The following POU2F2 variants were observed in gnomAD, a reference collection of about 807,000 sequenced individuals.
POU2F2 encodes POU domain, class 2, transcription factor 2.
POU2F2 carries 14 observed loss-of-function variants against 63.5 expected under a neutral mutation model. That is an observed-to-expected ratio of 0.22 (90% CI 0.15 to 0.34). The LOEUF is 0.34. Among genes scored for constraint, POU2F2 ranks in the 10% least tolerant of loss-of-function variants. The pLI is 1.00. For missense variants in POU2F2, 607 were observed against 815.2 expected (o/e 0.74, Z 3.11); for synonymous variants, 306 against 348.6 (o/e 0.88, Z 1.36).
At chr19:42,177,733 G>A (rs1364718965), upstream of POU2F2, among the ~76,000 whole-genome samples, 1 of 151,710 alleles carries the variant, frequency 6.6e-6, no homozygotes, top group Non-Finnish European at 1.5e-5. Context: ...CGAGGGGCAG[G>A]GAGCAGAGAG....
intron 2 of POU2F2, among the ~76,000 whole-genome samples, chr19:42,142,659 A>C (rs766713685): frequency 6.6e-6 from 1 of 151,480 alleles, no homozygotes; most frequent in Non-Finnish European, 1.5e-5. Context: ...GCCACCCCCC[A>C]GCAAGCAATC....
Position 42,116,867 on chromosome 19 carries a change from AGGAGGC to A in POU2F2, c.369+377_369+382del, listed in dbSNP as rs753046749. 4.4e-3 allele frequency: 1,963 copies of A among 441,870 alleles called. 7 individuals carry two copies. The highest frequency in any genetic ancestry group is 7.2e-3 in the Non-Finnish European group (1,600 of 223,078). The allele number at this position is 441,870 out of a possible 1,614,324, so 27.4% of individuals were successfully genotyped here. Reference sequence around the variant, plus strand: ...GAGGAGGAGGAGGAGGAAGTAGAGGAGGAGGCGGAGGCGGCGGCGGCGGCGGCAGCG... The same window carrying A: ...GAGGAGGAGGAGGAGGAAGTAGAGGAGGAGGCGGCGGCGGCGGCGGCAGCG... On this transcript the variant is annotated intron_variant, in intron 5 of 14. Transcript: ENST00000692977.
At chr19:42,131,261 G>A (rs1568403260) in intron 1 of POU2F2, among the ~76,000 whole-genome samples, 1 of 151,746 alleles carries the variant, frequency 6.6e-6, no homozygotes, top group African/African-American at 2.4e-5. Context: ...CCAATAAACT[G>A]GGAGCTCCAG....
intron 1 of POU2F2, among the ~76,000 whole-genome samples, chr19:42,182,183 A>G (rs1467458312): frequency 6.6e-6 from 1 of 151,694 alleles, no homozygotes; most frequent in Non-Finnish European, 1.5e-5. Context: ...CAGAGGTTGC[A>G]GTAAGCCAAG....
intron 11 of POU2F2, among the ~76,000 whole-genome samples, chr19:42,094,286 C>T (rs2076839938): frequency 6.6e-6 from 1 of 152,168 alleles, no homozygotes; most frequent in Non-Finnish European, 1.5e-5. Flanking sequence ...GGTTGGCAAG[C>T]AATGCAGGAG....
chr19:42,107,413 G>T (rs1333130582), intron 5 of POU2F2, among the ~76,000 whole-genome samples: 2 of 152,088 alleles, frequency 1.3e-5, no homozygotes, highest in East Asian at 3.8e-4. Context: ...ATTTTGAGTG[G>T]TCATAAAATC....
At chr19:42,133,626 TCA>T (rs371526243), upstream of POU2F2, 7 of 154,152 alleles carry the variant, frequency 4.5e-5, no homozygotes, top group African/African-American at 7.3e-5. This position sits in a 1 kb window ranked among gnomAD's most constrained non-coding sequence, Gnocchi z 5.1. Context: ...CCCCAGCACT[TCA>T]CACACACACA....
At chr19:42,182,543 G>A (rs559737740) in intron 1 of POU2F2, among the ~76,000 whole-genome samples, 17 of 152,180 alleles carry the variant, frequency 1.1e-4, no homozygotes, top group Non-Finnish European at 2.2e-4. Flanking sequence ...ATAAGAAACA[G>A]ACAGAGGCTT....
intron 1 of POU2F2, among the ~76,000 whole-genome samples, chr19:42,188,540 A>T (rs2035038350): frequency 6.6e-6 from 1 of 151,338 alleles, no homozygotes. Context: ...GCGTGGTGGC[A>T]GATGCCTGTA....
chr19:42,097,322 C>T (rs377608890), intron 7 of POU2F2, among the ~76,000 whole-genome samples: 8 of 151,764 alleles, frequency 5.3e-5, no homozygotes, highest in African/African-American at 1.7e-4. Flanking sequence ...CTCAGCCTCC[C>T]GAGTAGCTGG....
At position 42,117,255 on chromosome 19, in the gene POU2F2, C is replaced by G. The variant is rs769030901; in HGVS notation, c.364G>C (p.Ala122Pro). Residue 122 changes from alanine to proline, a missense_variant, in exon 5 of 15, where the codon GCT becomes CCT. By Grantham distance (27) the Ala-to-Pro change is conservative. This residue lies in a region of POU2F2 where 224 missense variants were observed against 264.3 expected (regional missense o/e 0.85). Transcript: ENST00000692977. The surrounding 1 kb of genome is among the most constrained non-coding windows in gnomAD (Gnocchi z 4.4). ...AQLMLTGSQL[A>P]GDIQQLLQLQ... ...ATCCTTCCCCAAGTACTTACCCCAG[C>G]TAGCTGGCTGCCCGTCAACATGAGT... is the stretch of plus-strand genomic sequence containing the variant. 6.8e-7 allele frequency: 1 copy of G among 1,477,348 alleles called. No homozygotes were observed. Among genetic ancestry groups the G allele is most frequent in the African/African-American group, 1.5e-5 (1 of 67,946 alleles). 91.5% of individuals were successfully genotyped at this position (1,477,348 alleles called of 1,614,324 possible).
At chr19:42,098,250 TAAAAATAC>T (rs2076997137) in intron 7 of POU2F2, among the ~76,000 whole-genome samples, 1 of 151,798 alleles carries the variant, frequency 6.6e-6, no homozygotes, top group Admixed American at 6.6e-5. Flanking sequence ...CCATCTCTAT[TAAAAATAC>T]AAAAATTAGC....
rs1023790156 is a variant in POU2F2, at chr19:42,162,019, C to T, written c.-69-1627G>A. Reference sequence around the variant, plus strand: ...ACAATTAGCCGCGCTGAGTGTTGAACACGGTGGCGACACGGCATTAACCGT... The same window carrying T: ...ACAATTAGCCGCGCTGAGTGTTGAATACGGTGGCGACACGGCATTAACCGT... On this transcript the variant is annotated intron_variant, in intron 1 of 6. Transcript: ENST00000524801. This position sits in a 1 kb window ranked among gnomAD's most constrained non-coding sequence, Gnocchi z 4.1. 3.9e-5 allele frequency among the ~76,000 whole-genome samples: 6 copies of T among 152,214 alleles called. No individual in the cohort carries two copies. The highest frequency in any genetic ancestry group is 7.3e-5 in the Non-Finnish European group (5 of 68,030).
chr19:42,110,840 G>A, intron 5 of POU2F2: 1 of 434,856 alleles, frequency 2.3e-6, no homozygotes, highest in East Asian at 7.3e-5. Context: ...ATAAATGGCA[G>A]TCATTATGAC....
At chr19:42,148,139 A>C (rs761550350) in intron 2 of POU2F2, among the ~76,000 whole-genome samples, 1 of 150,096 alleles carries the variant, frequency 6.7e-6, no homozygotes, top group African/African-American at 2.5e-5. Flanking sequence ...CCTGAATCTC[A>C]TACTCCTCAG....
intron 2 of POU2F2, among the ~76,000 whole-genome samples, chr19:42,157,984 C>T (rs909838949): frequency 6.6e-6 from 1 of 152,114 alleles, no homozygotes; most frequent in Non-Finnish European, 1.5e-5. Flanking sequence ...ATTGAGGAGG[C>T]CTCCAGACAT....
At position 42,086,901 on chromosome 19, in the gene POU2F2, TTTTG is replaced by T. The variant is rs1218954243; in HGVS notation, c.*4352_*4355del. 3.3e-5 allele frequency: 5 copies of T among 152,232 alleles called. No homozygotes were observed. Among genetic ancestry groups the T allele is most frequent in the Non-Finnish European group, 1.5e-5 (1 of 68,016 alleles). The allele number at this position is 152,232 out of a possible 1,614,324, so 9.4% of individuals were successfully genotyped here. On this transcript the variant is annotated 3_prime_UTR_variant, in exon 15 of 15. Transcript: ENST00000692977. ...CACTTCTCTCTGGATTTTTCTCTCC[TTTTG>T]TTTGTTTAACAAGGAGCTAACAATT... is the stretch of plus-strand genomic sequence containing the variant.
At position 42,122,556 on chromosome 19, in the gene POU2F2, G is replaced by A; in HGVS notation, c.49C>T (p.Leu17=). The change falls in exon 2 of 15, where the codon CTG becomes TTG. Residue 17 remains leucine (L), a synonymous_variant. Transcript: ENST00000692977. Reference sequence around the variant, plus strand: ...TCCAGACCTTGCTTCTCGGCCTCCAGGGGCTTAGACATTCTTATTTCTGGG... The same window carrying A: ...TCCAGACCTTGCTTCTCGGCCTCCAAGGGCTTAGACATTCTTATTTCTGGG... ...GAPEIRMSKP[L]EAEKQGLDSP... The A allele has an allele frequency of 6.2e-7, 1 of 1,601,022 alleles. No individual in the cohort carries two copies. The highest frequency in any genetic ancestry group is 8.5e-7 in the Non-Finnish European group (1 of 1,173,828).
At chr19:42,116,876 A>C (rs1448563994) in intron 5 of POU2F2, 7 of 449,174 alleles carry the variant, frequency 1.6e-5, no homozygotes, top group African/African-American at 1.2e-4. Flanking sequence ...GAGGAGGCGG[A>C]GGCGGCGGCG....
Sources: allele counts gnomAD v4.1 joint callset (sites outside exome capture counted in the v4.1 genomes callset), GRCh38; gene constraint gnomAD v4.1.1; regional missense constraint gnomAD v4.1.1; non-coding constraint Gnocchi (gnomAD v3.1); transcripts MANE v1.5; gene names NCBI Gene and HGNC (gene_info 2026-07-23, HGNC 2026-07-21).